LINGO2: variants seen among roughly 807,000 people sequenced by gnomAD.
LINGO2 encodes the protein leucine rich repeat and Ig domain containing 2.
Under a neutral mutation model 30.6 loss-of-function variants are expected in LINGO2, and 14 were observed. The ratio of observed to expected loss-of-function variants is 0.46; its 90% CI spans 0.30 to 0.72. The LOEUF (loss-of-function observed/expected upper bound fraction) is 0.72, where lower values mean the gene tolerates loss of function less well. Ranked by LOEUF, LINGO2 falls within the 30% of genes least tolerant of loss-of-function variation. The probability of loss-of-function intolerance (pLI) is 0.07; values close to 1 mark genes in which losing one functional copy is unlikely to be tolerated. For synonymous variants in LINGO2, 317 were observed against 288.5 expected, an observed-to-expected ratio of 1.10 and a Z score of -1.00; for missense variants, 729 against 751.7, an observed-to-expected ratio of 0.97 and a Z score of 0.35.
At chr9:28,624,954 T>C (rs986628723) in intron 1 of LINGO2, among the ~76,000 whole-genome samples, 1 of 151,694 alleles carries the variant, frequency 6.6e-6, no homozygotes, top group Non-Finnish European at 1.5e-5. Flanking sequence ...AGGGAGAGGT[T>C]GGACAAGCAC....
intron 2 of LINGO2, among the ~76,000 whole-genome samples, chr9:28,392,328 AT>A (rs1821873305): frequency 1.3e-5 from 2 of 152,222 alleles, no homozygotes; most frequent in Non-Finnish European, 2.9e-5. Flanking sequence ...GAGAAAAAGT[AT>A]AAAAGCAACA....
At chr9:28,534,826 T>C (rs1162263341) in intron 1 of LINGO2, among the ~76,000 whole-genome samples, 1 of 152,160 alleles carries the variant, frequency 6.6e-6, no homozygotes, top group Admixed American at 6.6e-5. Context: ...GAGCTAAATT[T>C]AAAGGTTTAC....
chr9:28,843,057 C>A, the LINGO2 span, among the ~76,000 whole-genome samples: 1 of 151,752 alleles, frequency 6.6e-6, no homozygotes, highest in East Asian at 1.9e-4. Flanking sequence ...ACTACGACAA[C>A]TAATGACAGC....
intron 3 of LINGO2, among the ~76,000 whole-genome samples, chr9:28,352,153 C>A (rs1191773670): frequency 6.6e-6 from 1 of 151,466 alleles, no homozygotes; most frequent in Admixed American, 6.6e-5. Context: ...CTGGCCAGGG[C>A]TATTAGGCAG....
chr9:28,411,281 A>T (rs945294957), intron 2 of LINGO2, among the ~76,000 whole-genome samples: 7 of 152,066 alleles, frequency 4.6e-5, no homozygotes, highest in African/African-American at 1.7e-4. Context: ...TTCAAAATCT[A>T]TCAAGTTTTC....
At chr9:28,043,020 T>C (rs946105530) in intron 4 of LINGO2, among the ~76,000 whole-genome samples, 4 of 152,126 alleles carry the variant, frequency 2.6e-5, no homozygotes, top group African/African-American at 9.7e-5. Flanking sequence ...GGATATTTCA[T>C]GGTTTGAATA....
intron 2 of LINGO2, among the ~76,000 whole-genome samples, chr9:28,407,904 A>G (rs1323535500): frequency 6.6e-6 from 1 of 152,164 alleles, no homozygotes; most frequent in East Asian, 1.9e-4. Flanking sequence ...CTAACAGAAT[A>G]AAAACTTGTA....
At chr9:29,120,774 T>A in the LINGO2 span, among the ~76,000 whole-genome samples, 48 of 152,310 alleles carry the variant, frequency 3.2e-4, no homozygotes, top group East Asian at 8.7e-3. Flanking sequence ...CCTTAAAACT[T>A]ATTATGTGTG....
At chr9:28,949,623 C>T in the LINGO2 span, among the ~76,000 whole-genome samples, 6 of 152,042 alleles carry the variant, frequency 3.9e-5, no homozygotes, top group Non-Finnish European at 8.8e-5. Flanking sequence ...AATTAATAGC[C>T]TATCAACCAA....
the LINGO2 span, among the ~76,000 whole-genome samples, chr9:29,067,388 T>C: frequency 6.6e-6 from 1 of 151,700 alleles, no homozygotes; most frequent in Admixed American, 6.6e-5. Flanking sequence ...ACATAAAACA[T>C]TGGAACTTTT....
At chr9:28,405,869 C>T (rs894735900) in intron 2 of LINGO2, among the ~76,000 whole-genome samples, 3 of 152,000 alleles carry the variant, frequency 2.0e-5, no homozygotes, top group Admixed American at 2.0e-4. Flanking sequence ...TTTTTTATTT[C>T]ACCAACCGTG....
chr9:28,389,060 A>G (rs758068457), intron 2 of LINGO2, among the ~76,000 whole-genome samples: 1 of 152,212 alleles, frequency 6.6e-6, no homozygotes, highest in Non-Finnish European at 1.5e-5. Context: ...AACCTGGTAT[A>G]GACAGGTTAT....
At chr9:28,074,419 G>A (rs1563959384) in intron 4 of LINGO2, among the ~76,000 whole-genome samples, 1 of 152,108 alleles carries the variant, frequency 6.6e-6, no homozygotes, top group East Asian at 1.9e-4. Flanking sequence ...TCTTCATTCT[G>A]CAGACCTTTA....
intron 4 of LINGO2, among the ~76,000 whole-genome samples, chr9:28,044,408 A>AC (rs1194898518): frequency 6.6e-6 from 1 of 152,092 alleles, no homozygotes; most frequent in African/African-American, 2.4e-5. Flanking sequence ...AGGGAAGGAG[A>AC]CAGTGGGGGC....
chr9:28,572,115 G>A (rs918697985), intron 1 of LINGO2, among the ~76,000 whole-genome samples: 7 of 151,940 alleles, frequency 4.6e-5, no homozygotes, highest in African/African-American at 1.7e-4. Flanking sequence ...CCCTCCTTCA[G>A]CCCTGACATT....
chr9:29,146,608 A>G, the LINGO2 span, among the ~76,000 whole-genome samples: 2 of 152,206 alleles, frequency 1.3e-5, no homozygotes, highest in South Asian at 4.1e-4. Flanking sequence ...GTTTTTAAAC[A>G]TCTATTTTAA....
chr9:28,166,187 C>T (rs1049582023), intron 4 of LINGO2, among the ~76,000 whole-genome samples: 7 of 152,206 alleles, frequency 4.6e-5, no homozygotes, highest in African/African-American at 1.4e-4. Flanking sequence ...AACAAACAAA[C>T]TAACCAACAA....
chr9:28,016,270 T>G (rs1242678395), intron 4 of LINGO2, among the ~76,000 whole-genome samples: 1 of 152,150 alleles, frequency 6.6e-6, no homozygotes, highest in East Asian at 1.9e-4. Context: ...ACTCTGAGCA[T>G]AGGCTTGGCA....
intron 2 of LINGO2, among the ~76,000 whole-genome samples, chr9:28,432,528 A>G (rs908877860): frequency 6.6e-6 from 1 of 152,030 alleles, no homozygotes; most frequent in South Asian, 2.1e-4. Flanking sequence ...CAACTATAAG[A>G]GTTTCCACTT....
Sources: gnomAD v4.1 joint callset for allele counts (sites outside exome capture counted in the v4.1 genomes callset) on GRCh38, gnomAD v4.1.1 for gene constraint, MANE v1.5 for transcripts, NCBI Gene and HGNC (gene_info 2026-07-23, HGNC 2026-07-21) for gene names.